Variants in ATP8A2 observed in about 807,000 individuals in gnomAD.
The protein encoded by ATP8A2 is ATPase phospholipid transporting 8A2.
A neutral mutation model predicts 165.6 loss-of-function variants in ATP8A2; 100 were observed. The ratio of observed to expected loss-of-function variants is 0.60; its 90% confidence interval spans 0.51 to 0.71. ATP8A2 has a LOEUF of 0.71. Ranked by LOEUF, ATP8A2 falls within the 30% of genes least tolerant of loss-of-function variation. The pLI is 0.00. For missense variants in ATP8A2, 1,227 were observed against 1,479.5 expected (o/e 0.83, Z 2.80); for synonymous variants, 543 against 548.8 (o/e 0.99, Z 0.15).
At chr13:25,635,473 T>G (rs971210921) in intron 24 of ATP8A2, among the ~76,000 whole-genome samples, 1 of 152,162 alleles carries the variant, frequency 6.6e-6, no homozygotes, top group Non-Finnish European at 1.5e-5. Flanking sequence ...TTTTGGAGAT[T>G]CTCAAATCAC....
At chr13:25,998,359 G>A (rs1381813196) in intron 35 of ATP8A2, among the ~76,000 whole-genome samples, 1 of 152,138 alleles carries the variant, frequency 6.6e-6, no homozygotes, top group East Asian at 1.9e-4. Flanking sequence ...GTGTTGGAGA[G>A]CCTCATAACA....
chr13:25,696,084 A>G (rs778160902), intron 24 of ATP8A2, among the ~76,000 whole-genome samples: 1 of 152,208 alleles, frequency 6.6e-6, no homozygotes, highest in South Asian at 2.1e-4. Flanking sequence ...CATGAAAACA[A>G]CATTCATTCA....
chr13:25,790,588 G>C (rs2045143163), intron 27 of ATP8A2, among the ~76,000 whole-genome samples: 1 of 151,794 alleles, frequency 6.6e-6, no homozygotes, highest in East Asian at 1.9e-4. Context: ...CCAGCCACTT[G>C]GGAGGCTGAG....
intron 2 of ATP8A2, among the ~76,000 whole-genome samples, chr13:25,472,857 T>G (rs1003010380): frequency 1.3e-5 from 2 of 152,124 alleles, no homozygotes; most frequent in Non-Finnish European, 2.9e-5. Context: ...CCTAAGCCAG[T>G]TTTGGTTTGA....
At chr13:25,564,892 C>T (rs1015385571) in intron 16 of ATP8A2, among the ~76,000 whole-genome samples, 8 of 151,900 alleles carry the variant, frequency 5.3e-5, no homozygotes, top group Admixed American at 1.3e-4. Context: ...CCCCAAAGTC[C>T]GTTGTATCAT....
intron 13 of ATP8A2, among the ~76,000 whole-genome samples, chr13:25,556,467 T>C (rs2038984814): frequency 6.6e-6 from 1 of 152,120 alleles, no homozygotes; most frequent in Non-Finnish European, 1.5e-5. Context: ...GGTTGTTTGG[T>C]TTTTGCTTGT....
intron 33 of ATP8A2, among the ~76,000 whole-genome samples, chr13:25,894,612 AAAT>A (rs1953476658): frequency 6.6e-6 from 1 of 152,182 alleles, no homozygotes; most frequent in South Asian, 2.1e-4. Flanking sequence ...TTGAATCTAT[AAAT>A]TACCTTGGGC....
At chr13:25,692,938 T>C (rs1300716108) in intron 24 of ATP8A2, among the ~76,000 whole-genome samples, 1 of 152,206 alleles carries the variant, frequency 6.6e-6, no homozygotes, top group Non-Finnish European at 1.5e-5. Flanking sequence ...AAGCTAGAAA[T>C]ATACAGTTTA....
chr13:25,828,038 C>A, intron 27 of ATP8A2, 80 bp from the exon 28 acceptor site: 2 of 1,132,758 alleles, frequency 1.8e-6, no homozygotes, highest in South Asian at 1.2e-5. Context: ...TGGTGGTCCA[C>A]ATTCCCGCTA....
intron 24 of ATP8A2, among the ~76,000 whole-genome samples, chr13:25,668,037 C>T (rs1028194413): frequency 5.9e-5 from 9 of 151,934 alleles, no homozygotes; most frequent in African/African-American, 1.5e-4. Flanking sequence ...GTTTTGTGCA[C>T]GAGTCTTTTA....
chr13:25,564,138 G>C, intron 16 of ATP8A2, 107 bp downstream of exon 16: 1 of 782,214 alleles, frequency 1.3e-6, no homozygotes, highest in East Asian at 2.5e-5. Context: ...CATGGGAAAA[G>C]TCTCGACTTG....
chr13:25,396,136 C>G (rs1482120834), intron 1 of ATP8A2, among the ~76,000 whole-genome samples: 4 of 152,214 alleles, frequency 2.6e-5, no homozygotes, highest in Admixed American at 6.5e-5. Flanking sequence ...GCCACCACGC[C>G]CAGCCCTGAT....
At chr13:25,984,301 G>A (rs1956229974) in intron 35 of ATP8A2, among the ~76,000 whole-genome samples, 1 of 151,918 alleles carries the variant, frequency 6.6e-6, no homozygotes, top group Non-Finnish European at 1.5e-5. Flanking sequence ...AGTCCAGAAA[G>A]GTGCTAAGAG....
intron 13 of ATP8A2, 25 bp downstream of exon 13, chr13:25,555,093 G>A: frequency 6.4e-7 from 1 of 1,556,880 alleles, no homozygotes; most frequent in South Asian, 1.1e-5. Context: ...GGGAACTTTG[G>A]GAATGGTGAC....
intron 15 of ATP8A2, among the ~76,000 whole-genome samples, chr13:25,560,569 G>A (rs569377743): frequency 5.9e-5 from 9 of 151,316 alleles, no homozygotes; most frequent in Middle Eastern, 3.4e-3. Context: ...ATGTGGTGGC[G>A]GGTGCCTGTA....
At chr13:25,911,696 A>G (rs552228662) in intron 33 of ATP8A2, among the ~76,000 whole-genome samples, 159 of 152,320 alleles carry the variant, frequency 1.0e-3, no homozygotes, top group Middle Eastern at 3.4e-3. Flanking sequence ...ACAGGAAAAC[A>G]CAAGGTTTAT....
intron 27 of ATP8A2, among the ~76,000 whole-genome samples, chr13:25,778,668 G>A (rs2044797208): frequency 6.6e-6 from 1 of 152,186 alleles, no homozygotes; most frequent in Non-Finnish European, 1.5e-5. Context: ...GGCAATGAAA[G>A]AGTGATGAAT....
chr13:25,597,253 C>T (rs2040260812), intron 24 of ATP8A2, among the ~76,000 whole-genome samples: 1 of 152,038 alleles, frequency 6.6e-6, no homozygotes, highest in African/African-American at 2.4e-5. Context: ...GAAAATAGAC[C>T]CTAGGCTGGC....
intron 24 of ATP8A2, among the ~76,000 whole-genome samples, chr13:25,625,810 T>C (rs776656691): frequency 3.5e-4 from 53 of 152,330 alleles, no homozygotes; most frequent in Non-Finnish European, 4.6e-4. Flanking sequence ...TCAATTATTT[T>C]TATTTAATCC....
Sources: gnomAD v4.1 joint callset for allele counts (sites outside exome capture counted in the v4.1 genomes callset) on GRCh38, gnomAD v4.1.1 for gene constraint, MANE v1.5 for transcripts, NCBI Gene and HGNC (gene_info 2026-07-23, HGNC 2026-07-21) for gene names.